DOCK3: variants seen among roughly 807,000 people sequenced by gnomAD.
The protein encoded by DOCK3 is dedicator of cytokinesis protein 3.
Under a neutral mutation model 265.6 loss-of-function variants are expected in DOCK3, and 60 were observed. That is an observed-to-expected ratio of 0.23 (90% confidence interval 0.18 to 0.28). The LOEUF is 0.28. DOCK3 is among the 10% of genes least tolerant of loss of function. DOCK3 has a pLI of 1.00. For missense variants in DOCK3, 1,981 were observed against 2,594.3 expected (o/e 0.76, Z 5.14); for synonymous variants, 881 against 938.0 (o/e 0.94, Z 1.11).
intron 5 of DOCK3, among the ~76,000 whole-genome samples, chr3:50,957,267 CA>C (rs1402261469): frequency 1.3e-5 from 2 of 152,078 alleles, no homozygotes; most frequent in African/African-American, 4.8e-5. Flanking sequence ...TTTCTGCCAA[CA>C]AAGAGGAAAA....
intron 4 of DOCK3, among the ~76,000 whole-genome samples, chr3:50,932,763 G>C (rs1197713517): frequency 6.6e-6 from 1 of 152,076 alleles, no homozygotes; most frequent in Non-Finnish European, 1.5e-5. Context: ...TTCATGTCAT[G>C]ATTTTTTTGC....
chr3:51,334,816 C>T (rs965812125), intron 35 of DOCK3, among the ~76,000 whole-genome samples: 3 of 152,190 alleles, frequency 2.0e-5, no homozygotes, highest in Non-Finnish European at 2.9e-5. Flanking sequence ...GGCTCCAAGG[C>T]CTTATTCTAG....
At chr3:51,354,830 T>G (rs1576914202) in intron 40 of DOCK3, 52 bp from the exon 41 acceptor site, 1 of 1,583,024 alleles carries the variant, frequency 6.3e-7, no homozygotes, top group Non-Finnish European at 8.6e-7. Context: ...AGGGTGGAGG[T>G]GGGGGGCTAC....
chr3:50,718,378 T>A (rs2037258438), intron 1 of DOCK3, among the ~76,000 whole-genome samples: 1 of 152,234 alleles, frequency 6.6e-6, no homozygotes, highest in South Asian at 2.1e-4. Context: ...ATGGAACATC[T>A]TTTGCTTATA....
chr3:51,258,967 G>A (rs2079702001), intron 22 of DOCK3, among the ~76,000 whole-genome samples: 1 of 152,204 alleles, frequency 6.6e-6, no homozygotes, highest in African/African-American at 2.4e-5. Flanking sequence ...TCATGGGCCT[G>A]AAGAGTCACC....
rs1177940806 is a variant in DOCK3, at chr3:50,791,412, C to T, written c.121+12654C>T. On this transcript the variant is annotated intron_variant, in intron 2 of 52. Coordinates refer to ENST00000266037, the MANE Select transcript of DOCK3 (RefSeq NM_004947.5). Reference sequence around the variant, plus strand: ...CCAAGTAGCAGGGACTACAGGTGCACGCTACCATGTCTGGCTAATTTTTGT... The same window carrying T: ...CCAAGTAGCAGGGACTACAGGTGCATGCTACCATGTCTGGCTAATTTTTGT... Among the ~76,000 whole-genome samples the T allele has an allele frequency of 4.6e-5, 7 of 151,776 alleles. No individual in the cohort carries two copies. The South Asian group carries it at 6.2e-4, about 14-fold the overall frequency.
intron 6 of DOCK3, among the ~76,000 whole-genome samples, chr3:51,067,933 A>G (rs192443464): frequency 2.0e-5 from 3 of 152,298 alleles, no homozygotes; most frequent in African/African-American, 7.2e-5. Context: ...CATTGTTCCC[A>G]TTTTATTCTG....
rs34084936 is a variant in DOCK3 at position 51,184,316 on chromosome 3, C to CAAA, written c.1037+23626_1037+23628dup. On this transcript the variant is annotated intron_variant, in intron 12 of 52. Coordinates refer to ENST00000266037, the MANE Select transcript of DOCK3 (RefSeq NM_004947.5). ...ACAAGAGCAAAAGTCTGCTTTGAAA[C>CAAA]AAAAAAAAAAAAAAGAAAGAAAAAA... is the stretch of plus-strand genomic sequence containing the variant. Among the ~76,000 whole-genome samples, 20 of 137,954 alleles carry CAAA rather than the reference C, an allele frequency of 1.4e-4. 1 individual carries two copies. Among genetic ancestry groups the CAAA allele is most frequent in the African/African-American group, 5.4e-4 (20 of 37,274 alleles). The allele number at this position is 137,954 out of a possible 152,430, so 90.5% of individuals were successfully genotyped here.
chr3:51,293,826 G>A (rs946364910), intron 27 of DOCK3, among the ~76,000 whole-genome samples: 1 of 152,140 alleles, frequency 6.6e-6, no homozygotes, highest in Non-Finnish European at 1.5e-5. Flanking sequence ...TTTCTTAAAA[G>A]AAGACATCAG....
chr3:50,775,955 A>G (rs1331112721), intron 1 of DOCK3, among the ~76,000 whole-genome samples: 2 of 152,212 alleles, frequency 1.3e-5, no homozygotes, highest in African/African-American at 4.8e-5. Flanking sequence ...CATGGTGTAT[A>G]TTTACCACAT....
At chr3:50,876,587 TC>T (rs2047710939) in intron 3 of DOCK3, 1 of 152,260 alleles carries the variant, frequency 6.6e-6, no homozygotes, top group Non-Finnish European at 1.5e-5. Flanking sequence ...TTGAAAGCCT[TC>T]TAGTTGTCTT....
intron 5 of DOCK3, among the ~76,000 whole-genome samples, chr3:50,999,446 TAG>T (rs1575717126): frequency 6.6e-6 from 1 of 152,322 alleles, no homozygotes; most frequent in East Asian, 1.9e-4. Flanking sequence ...TTTCTCCAAA[TAG>T]AAACCTAGTT....
At chr3:51,154,493 G>A (rs1198195650) in intron 10 of DOCK3, among the ~76,000 whole-genome samples, 2 of 152,242 alleles carry the variant, frequency 1.3e-5, no homozygotes, top group African/African-American at 2.4e-5. Context: ...AGCTTCTGAA[G>A]TGAGAGTTCC....
chr3:50,916,120 T>C (rs1332150840), intron 4 of DOCK3, among the ~76,000 whole-genome samples: 1 of 151,956 alleles, frequency 6.6e-6, no homozygotes, highest in Non-Finnish European at 1.5e-5. Context: ...GTCGGCTCCT[T>C]CTCTGGGGAA....
rs9856440 is a variant in DOCK3 at position 50,679,226 on chromosome 3, A to G, written c.37+3926A>G. Among the ~76,000 whole-genome samples the G allele has an allele frequency of 2.8e-3, 420 of 152,256 alleles. 1 individual carries two copies. Among genetic ancestry groups the G allele is most frequent in the African/African-American group, 9.6e-3 (401 of 41,562 alleles). ...TGGCTTCAAGCTATCCTCCCACCTCAGCCTCCCAAGTCACTGGGATTATAC... is the reference window on the plus strand; with the variant it reads ...TGGCTTCAAGCTATCCTCCCACCTCGGCCTCCCAAGTCACTGGGATTATAC... On this transcript the variant is annotated intron_variant, in intron 1 of 52. Coordinates refer to ENST00000266037, the MANE Select transcript of DOCK3 (RefSeq NM_004947.5).
intron 23 of DOCK3, among the ~76,000 whole-genome samples, chr3:51,269,151 T>C (rs979232230): frequency 1.2e-4 from 18 of 146,522 alleles, no homozygotes; most frequent in African/African-American, 4.5e-4. Context: ...ATATATATAT[T>C]TATTTATACG....
At chr3:51,252,770 A>G (rs1257121351) in intron 22 of DOCK3, among the ~76,000 whole-genome samples, 3 of 152,186 alleles carry the variant, frequency 2.0e-5, no homozygotes, top group African/African-American at 7.2e-5. Flanking sequence ...GGGCTGAGAC[A>G]GTGGGGTTTT....
Position 51,041,257 on chromosome 3 carries a change from G to A in DOCK3, c.316-23191G>A, listed in dbSNP as rs553391481. Among the ~76,000 whole-genome samples the A allele has an allele frequency of 2.7e-3, 295 of 108,550 alleles. 1 individual carries two copies. The highest frequency in any genetic ancestry group is 9.3e-3 in the Middle Eastern group (1 of 108). The allele number at this position is 108,550 out of a possible 152,430, so 71.2% of individuals were successfully genotyped here. A position where few individuals can be genotyped will look rare whatever the true frequency, so the allele number is the denominator to read the frequency against. On this transcript the variant is annotated intron_variant, in intron 5 of 52. Coordinates refer to ENST00000266037, the MANE Select transcript of DOCK3 (RefSeq NM_004947.5). ...TTTTGAGACAGAGTTTCGCTCTGTC[G>A]CCCAGGCTAGAGTGCGGTGGTGCGA...
intron 4 of DOCK3, among the ~76,000 whole-genome samples, chr3:50,891,526 A>G (rs895786989): frequency 1.3e-5 from 2 of 152,160 alleles, no homozygotes; most frequent in South Asian, 4.1e-4. Context: ...AGTAAGGACT[A>G]TCAAAAGTAT....
Sources: allele counts gnomAD v4.1 joint callset (sites outside exome capture counted in the v4.1 genomes callset), GRCh38; gene constraint gnomAD v4.1.1; transcripts MANE v1.5; gene names NCBI Gene and HGNC (gene_info 2026-07-23, HGNC 2026-07-21).